The following LRP6 variants were observed in gnomAD, a reference collection of about 807,000 sequenced individuals.
LRP6 encodes the protein LDL receptor related protein 6.
LRP6 carries 43 observed loss-of-function variants against 184.1 expected under a neutral mutation model. That is an observed-to-expected ratio of 0.23 (90% CI 0.18 to 0.30). The LOEUF is 0.30. Among genes scored for constraint, LRP6 ranks in the 10% least tolerant of loss-of-function variants. The pLI, the probability that LRP6 is intolerant of heterozygous loss-of-function variation, is 1.00. For synonymous variants in LRP6, 719 were observed against 684.9 expected (o/e 1.05, Z -0.78); for missense variants, 1,571 against 2,005.3 (o/e 0.78, Z 4.14).
intron 2 of LRP6, among the ~76,000 whole-genome samples, chr12:12,209,538 G>A (rs559691401): frequency 6.6e-6 from 1 of 152,238 alleles, no homozygotes; most frequent in South Asian, 2.1e-4. Flanking sequence ...GATTACAGAT[G>A]TGCCTTCATT....
intron 3 of LRP6, among the ~76,000 whole-genome samples, chr12:12,195,971 G>A (rs1000724123): frequency 3.9e-5 from 6 of 152,048 alleles, no homozygotes; most frequent in Admixed American, 6.6e-5. Context: ...CTATGTTCTT[G>A]GCACTTTTGT....
rs545352034 is a variant in LRP6, at chr12:12,158,968, T to A, written c.2652A>T (p.Ser884=). The A allele has an allele frequency of 4.3e-4, 689 of 1,614,214 alleles. 6 individuals carry two copies. In the South Asian group the frequency reaches 7.2e-3, roughly 17 times the overall value. ...DYVMDILVFH[S]SRQSGWNECA... is the part of the protein sequence containing the mutation. Reference sequence around the variant, plus strand: ...ATTCATTCCACCCTGACTGTCGAGATGAGTGAAAGACGAGGATGTCCATCA... The same window carrying A: ...ATTCATTCCACCCTGACTGTCGAGAAGAGTGAAAGACGAGGATGTCCATCA... The change falls in exon 12 of 23, where the codon TCA becomes TCT. Residue 884 remains serine, a synonymous_variant. Transcript: ENST00000261349.
intron 10 of LRP6, among the ~76,000 whole-genome samples, chr12:12,160,534 A>C (rs1862714155): frequency 6.6e-6 from 1 of 152,122 alleles, no homozygotes; most frequent in African/African-American, 2.4e-5. Context: ...AGCATACTAT[A>C]TGGTAAGAAC....
rs1319865648 is a variant in LRP6 at position 12,159,787 on chromosome 12, A to G, written c.2457T>C (p.Asn819=). Residue 819 remains asparagine (N), a synonymous_variant, in exon 11 of 23, where the codon AAT becomes AAC. Transcript: ENST00000261349. ...DLDTNLIESS[N]MLGLNREVIA... ...AAAAGTAGTAAAGCTTACCAAGCATATTTGAAGATTCTATTAAGTTGGTGT... is the reference window on the plus strand; with the variant it reads ...AAAAGTAGTAAAGCTTACCAAGCATGTTTGAAGATTCTATTAAGTTGGTGT... The G allele has an allele frequency of 6.2e-7, 1 of 1,613,986 alleles. No individual in the cohort carries two copies. Among genetic ancestry groups the G allele is most frequent in the Non-Finnish European group, 8.5e-7 (1 of 1,179,962 alleles).
intron 2 of LRP6, among the ~76,000 whole-genome samples, chr12:12,209,581 T>C (rs1047978260): frequency 1.3e-5 from 2 of 152,284 alleles, no homozygotes; most frequent in Middle Eastern, 3.4e-3. Context: ...AGGAATAGAT[T>C]TCATCTATAA....
intron 2 of LRP6, among the ~76,000 whole-genome samples, chr12:12,209,275 A>G (rs1390975495): frequency 6.6e-6 from 1 of 152,246 alleles, no homozygotes; most frequent in South Asian, 2.1e-4. Flanking sequence ...TTTGTAACTC[A>G]GTGTCTAGTT....
chr12:12,126,669 C>G, intron 20 of LRP6, 22 bp downstream of exon 20: 1 of 1,592,194 alleles, frequency 6.3e-7, no homozygotes, highest in East Asian at 2.2e-5. Flanking sequence ...ACTTGATTCT[C>G]AATGGATCCA....
chr12:12,198,877 A>G (rs892800907), intron 3 of LRP6, among the ~76,000 whole-genome samples: 2 of 152,082 alleles, frequency 1.3e-5, no homozygotes, highest in African/African-American at 2.4e-5. Context: ...TGGTTCCTCA[A>G]TGACTTTTGA....
intron 3 of LRP6, among the ~76,000 whole-genome samples, chr12:12,188,363 G>C (rs866748036): frequency 3.9e-5 from 6 of 152,172 alleles, no homozygotes; most frequent in African/African-American, 1.4e-4. Flanking sequence ...GCAGAGATGG[G>C]CAGAGAGGGA....
At chr12:12,206,218 T>C (rs1019679107) in intron 2 of LRP6, among the ~76,000 whole-genome samples, 1 of 152,188 alleles carries the variant, frequency 6.6e-6, no homozygotes. Context: ...CACATGACTA[T>C]ATATAGGAAG....
At chr12:12,171,255 G>A (rs575508616) in intron 7 of LRP6, among the ~76,000 whole-genome samples, 13 of 152,254 alleles carry the variant, frequency 8.5e-5, no homozygotes, top group South Asian at 4.1e-4. Context: ...GGTGGCTCAC[G>A]CCTGTAATCC....
At chr12:12,263,545 C>T (rs1234715461) in intron 1 of LRP6, among the ~76,000 whole-genome samples, 2 of 84,224 alleles carry the variant, frequency 2.4e-5, no homozygotes, top group African/African-American at 4.5e-5. Context: ...AGCAAGAATC[C>T]GTCTCAAAAA....
At chr12:12,245,996 C>CTTTTTTTT (rs71061029) in intron 1 of LRP6, among the ~76,000 whole-genome samples, 2 of 90,186 alleles carry the variant, frequency 2.2e-5, no homozygotes, top group Non-Finnish European at 4.2e-5. Flanking sequence ...TTTATATAAA[C>CTTTTTTTT]TTTTTTTTTT....
chr12:12,257,345 G>A lies in LRP6; in HGVS notation c.55+9336C>T, dbSNP rs899835059. On this transcript the variant is annotated intron_variant, in intron 1 of 22. Coordinates refer to ENST00000261349, the MANE Select transcript of LRP6 (RefSeq NM_002336.3). ...TGTAATCCCAGCACTTTGGGAGGCC[G>A]AGGCGGGTGGATCACGAGGTCAGGA... Among the ~76,000 whole-genome samples the A allele has an allele frequency of 4.6e-5, 7 of 152,014 alleles. No individual in the cohort carries two copies. In the South Asian group the frequency reaches 6.2e-4, roughly 14 times the overall value.
At chr12:12,164,644 G>A (rs1447402118) in intron 8 of LRP6, 82 bp from the exon 9 acceptor site, 3 of 1,394,106 alleles carry the variant, frequency 2.2e-6, no homozygotes, top group Admixed American at 1.8e-5. Flanking sequence ...AATTACTTAA[G>A]CGTTTGGTTC....
At chr12:12,175,017 T>C (rs1193119918) in intron 7 of LRP6, among the ~76,000 whole-genome samples, 3 of 152,224 alleles carry the variant, frequency 2.0e-5, no homozygotes, top group African/African-American at 4.8e-5. Flanking sequence ...TTTTTATCTA[T>C]ACTATCAGGT....
intron 3 of LRP6, among the ~76,000 whole-genome samples, chr12:12,200,492 G>A (rs1393144530): frequency 6.6e-6 from 1 of 152,014 alleles, no homozygotes; most frequent in Non-Finnish European, 1.5e-5. Flanking sequence ...TCCATTTCCA[G>A]GTATTTTCTG....
At chr12:12,157,268 A>C (rs759618533) in intron 12 of LRP6, among the ~76,000 whole-genome samples, 2 of 151,892 alleles carry the variant, frequency 1.3e-5, no homozygotes, top group Non-Finnish European at 2.9e-5. Context: ...ACTCATTAAC[A>C]ACTTCTGCTT....
At chr12:12,134,710 G>A (rs1949808089) in intron 17 of LRP6, among the ~76,000 whole-genome samples, 1 of 152,160 alleles carries the variant, frequency 6.6e-6, no homozygotes, top group African/African-American at 2.4e-5. Context: ...AGAGATTACA[G>A]GAGGTAGAAT....
Sources: allele counts gnomAD v4.1 joint callset (sites outside exome capture counted in the v4.1 genomes callset), GRCh38; gene constraint gnomAD v4.1.1; transcripts MANE v1.5; gene names NCBI Gene and HGNC (gene_info 2026-07-23, HGNC 2026-07-21).